COMMD1: variants seen among roughly 807,000 people sequenced by gnomAD.
COMMD1 encodes COMM domain-containing protein 1.
Under a neutral mutation model 17.2 loss-of-function variants are expected in COMMD1, and 10 were observed. The ratio of observed to expected loss-of-function variants is 0.58; its 90% CI spans 0.36 to 0.99. The LOEUF (loss-of-function observed/expected upper bound fraction) is 0.99. COMMD1 is among the 50% of genes least tolerant of loss of function. The pLI is 0.01. For synonymous variants in COMMD1, 97 were observed against 91.6 expected, an observed-to-expected ratio of 1.06 and a Z score of -0.34; for missense variants, 270 against 231.8, an observed-to-expected ratio of 1.17 and a Z score of -1.07.
At chr2:61,999,767 CG>C (rs1448888952) in intron 1 of COMMD1, among the ~76,000 whole-genome samples, 1 of 151,862 alleles carries the variant, frequency 6.6e-6, no homozygotes, top group African/African-American at 2.4e-5. Flanking sequence ...TTTATCTCCC[CG>C]CCATAGAACT....
intron 1 of COMMD1, among the ~76,000 whole-genome samples, chr2:61,910,871 G>A (rs1669887018): frequency 6.6e-6 from 1 of 151,948 alleles, no homozygotes; most frequent in Admixed American, 6.6e-5. Flanking sequence ...ATCACCTGAA[G>A]TCCCTGGTTC....
chr2:62,095,490 G>A (rs1381002566), intron 2 of COMMD1, among the ~76,000 whole-genome samples: 1 of 151,886 alleles, frequency 6.6e-6, no homozygotes, highest in Non-Finnish European at 1.5e-5. Context: ...GGTAGCCCTG[G>A]TTATTAAATC....
At chr2:62,048,658 C>T (rs1304926147) in intron 2 of COMMD1, among the ~76,000 whole-genome samples, 1 of 150,912 alleles carries the variant, frequency 6.6e-6, no homozygotes, top group African/African-American at 2.4e-5. Flanking sequence ...GTTTCTAGAA[C>T]GTTCATAGTT....
chr2:62,044,435 T>TC (rs2103903658), intron 2 of COMMD1, among the ~76,000 whole-genome samples: 1 of 152,330 alleles, frequency 6.6e-6, no homozygotes, highest in South Asian at 2.1e-4. Flanking sequence ...TCTGCCTTGA[T>TC]CCTTTTACTG....
chr2:62,099,928 C>G (rs2104017525), intron 2 of COMMD1, among the ~76,000 whole-genome samples: 1 of 152,196 alleles, frequency 6.6e-6, no homozygotes, highest in South Asian at 2.1e-4. Context: ...CTCTTCAAAG[C>G]TGAGGAACTC....
In COMMD1 at chr2:61,976,198, TA is replaced by T. The variant is rs200120465; in HGVS notation, c.181-24490del. ...AAAATCAGTCAGTTAATAGAGTAAC[TA>T]AAAAAAAAAAAAGAAAAAAATACAT... On this transcript the variant is annotated intron_variant, in intron 1 of 2. Transcript: ENST00000311832. Among the ~76,000 whole-genome samples, 1,149 of 122,732 alleles carry T rather than the reference TA, an allele frequency of 9.4e-3. 7 individuals are homozygous for T. The highest frequency in any genetic ancestry group is 0.056 in the Middle Eastern group (14 of 248). The allele number at this position is 122,732 out of a possible 152,430, so 80.5% of individuals were successfully genotyped here.
At chr2:61,921,928 C>A (rs1670208149) in intron 1 of COMMD1, among the ~76,000 whole-genome samples, 1 of 149,506 alleles carries the variant, frequency 6.7e-6, no homozygotes, top group African/African-American at 2.4e-5. Context: ...TATTCTTGTT[C>A]TTTATTTAAA....
intron 2 of COMMD1, among the ~76,000 whole-genome samples, chr2:62,044,474 CT>C (rs760599286): frequency 6.6e-6 from 1 of 152,144 alleles, no homozygotes; most frequent in Non-Finnish European, 1.5e-5. Flanking sequence ...GTTTTTTAAG[CT>C]ACCAATTTAA....
intron 2 of COMMD1, among the ~76,000 whole-genome samples, chr2:62,095,878 C>G (rs1180425653): frequency 7.5e-6 from 1 of 133,220 alleles, no homozygotes; most frequent in African/African-American, 2.9e-5. Context: ...TATATATACA[C>G]ATACACACAG....
intron 2 of COMMD1, among the ~76,000 whole-genome samples, chr2:62,004,858 G>A (rs2103815377): frequency 6.6e-6 from 1 of 152,278 alleles, no homozygotes; most frequent in East Asian, 1.9e-4. Context: ...TCACACTGCT[G>A]ACATTGGATG....
intron 2 of COMMD1, among the ~76,000 whole-genome samples, chr2:62,027,942 C>T (rs770807426): frequency 1.3e-5 from 2 of 152,098 alleles, no homozygotes; most frequent in African/African-American, 4.8e-5. Context: ...CATAAGCCAC[C>T]GTGCCTGGCC....
chr2:61,982,157 A>G (rs1671972174), intron 1 of COMMD1, among the ~76,000 whole-genome samples: 1 of 152,064 alleles, frequency 6.6e-6, no homozygotes, highest in Admixed American at 6.6e-5. Flanking sequence ...GTTACCTTCA[A>G]TTTCTTTCAC....
intron 2 of COMMD1, among the ~76,000 whole-genome samples, chr2:62,052,833 G>A: frequency 6.6e-6 from 1 of 152,148 alleles, no homozygotes. Context: ...CCATCACTTT[G>A]GGAGGTTAAG....
At chr2:61,949,010 A>G (rs1670984810) in intron 1 of COMMD1, among the ~76,000 whole-genome samples, 1 of 152,220 alleles carries the variant, frequency 6.6e-6, no homozygotes, top group African/African-American at 2.4e-5. Context: ...CTTTGCACCT[A>G]TAATTCCAGT....
At chr2:61,891,331 G>T (rs1168889901) in intron 1 of COMMD1, among the ~76,000 whole-genome samples, 1 of 152,190 alleles carries the variant, frequency 6.6e-6, no homozygotes, top group Non-Finnish European at 1.5e-5. Context: ...TGTGAAATTG[G>T]AATTATTTTT....
At chr2:62,104,459 C>A (rs555525938) in intron 2 of COMMD1, among the ~76,000 whole-genome samples, 4 of 151,692 alleles carry the variant, frequency 2.6e-5, no homozygotes, top group Admixed American at 6.6e-5. Flanking sequence ...CATGGTAAAA[C>A]CCCATCTCTA....
At chr2:61,971,069 C>T (rs571037714) in intron 1 of COMMD1, among the ~76,000 whole-genome samples, 24 of 152,188 alleles carry the variant, frequency 1.6e-4, no homozygotes, top group South Asian at 8.3e-4. Context: ...CCGCCATGCC[C>T]GGCTAATTTT....
chr2:61,905,933 C>T, intron 1 of COMMD1, 75 bp downstream of exon 1: 1 of 1,451,312 alleles, frequency 6.9e-7, no homozygotes, highest in Non-Finnish European at 9.6e-7. Context: ...CCCCCCCTTG[C>T]CTTCCCCTGT....
rs138754785 is a variant in COMMD1, at chr2:62,115,148, C to T, written c.463-20683C>T. On this transcript the variant is annotated intron_variant, in intron 2 of 2. Coordinates refer to ENST00000311832, the MANE Select transcript of COMMD1 (RefSeq NM_152516.4). ...ACCTTATTTGTTAAATCGGTTAAAA[C>T]GACTATTTTGCAGATTAGGAAACTA... Among the ~76,000 whole-genome samples the T allele has an allele frequency of 2.5e-3, 378 of 152,260 alleles. 3 individuals are homozygous for T. Among genetic ancestry groups the T allele is most frequent in the African/African-American group, 8.2e-3 (340 of 41,562 alleles).
Sources: allele counts gnomAD v4.1 joint callset (sites outside exome capture counted in the v4.1 genomes callset), GRCh38; gene constraint gnomAD v4.1.1; transcripts MANE v1.5; gene names NCBI Gene and HGNC (gene_info 2026-07-23, HGNC 2026-07-21).